The following TBC1D1 variants were observed in gnomAD, a reference collection of about 807,000 sequenced individuals.
The protein encoded by TBC1D1 is TBC1 domain family member 1.
In TBC1D1, 89 loss-of-function variants were observed where a neutral mutation model predicts 125.6. That is an observed-to-expected ratio of 0.71 (90% CI 0.60 to 0.85). TBC1D1 has a LOEUF of 0.85. TBC1D1 is among the 40% of genes least tolerant of loss of function. The pLI, the probability that TBC1D1 is intolerant of heterozygous loss-of-function variation, is 0.00. For missense variants in TBC1D1, 1,377 were observed against 1,469.2 expected (o/e 0.94, Z 1.03); for synonymous variants, 565 against 564.1 (o/e 1.00, Z -0.02).
intron 2 of TBC1D1, among the ~76,000 whole-genome samples, chr4:37,993,219 C>T: frequency 6.6e-6 from 1 of 151,088 alleles, no homozygotes; most frequent in East Asian, 1.9e-4. Context: ...AGATGCCATC[C>T]TGAGAGAGAG....
At chr4:38,119,316 C>A (rs1262531054) in intron 17 of TBC1D1, among the ~76,000 whole-genome samples, 1 of 151,956 alleles carries the variant, frequency 6.6e-6, no homozygotes, top group Non-Finnish European at 1.5e-5. Context: ...TTTCCTTTCC[C>A]CCCAAATACT....
intron 14 of TBC1D1, among the ~76,000 whole-genome samples, chr4:38,100,595 G>A (rs1252513808): frequency 6.6e-6 from 1 of 152,092 alleles, no homozygotes; most frequent in East Asian, 1.9e-4. Context: ...CTCTTTTGAG[G>A]GGACACCATT....
intron 12 of TBC1D1, among the ~76,000 whole-genome samples, chr4:38,082,746 G>A (rs1305185284): frequency 8.5e-5 from 13 of 152,294 alleles, no homozygotes; most frequent in African/African-American, 3.1e-4. Context: ...GCCCACCCAG[G>A]CCTGTTCTCT....
intron 11 of TBC1D1, among the ~76,000 whole-genome samples, chr4:38,052,720 G>GCA (rs1560698490): frequency 3.5e-5 from 2 of 57,560 alleles, no homozygotes; most frequent in East Asian, 7.9e-4. Flanking sequence ...ACACGCGCGC[G>GCA]CGCGCGCGCA....
At chr4:38,054,063 T>C in intron 11 of TBC1D1, 136 bp from the exon 14 acceptor site, 1 of 960,428 alleles carries the variant, frequency 1.0e-6, no homozygotes, top group Non-Finnish European at 1.6e-6. Context: ...GTGAGCTTGA[T>C]ATAACTTCTG....
At chr4:38,026,817 C>G (rs953097556) in intron 6 of TBC1D1, among the ~76,000 whole-genome samples, 5 of 152,132 alleles carry the variant, frequency 3.3e-5, no homozygotes, top group African/African-American at 1.2e-4. Context: ...TATGTAATGA[C>G]TTTATTTTTA....
chr4:38,107,363 TTC>T (rs1761493572), intron 15 of TBC1D1, among the ~76,000 whole-genome samples: 1 of 152,306 alleles, frequency 6.6e-6, no homozygotes, highest in African/African-American at 2.4e-5. Flanking sequence ...AGTCTACACT[TTC>T]TGTTTAGTCT....
At chr4:37,923,181 C>G (rs967495403) in intron 2 of TBC1D1, among the ~76,000 whole-genome samples, 2 of 152,052 alleles carry the variant, frequency 1.3e-5, no homozygotes, top group African/African-American at 4.8e-5. Flanking sequence ...TGTTCAACTC[C>G]CACTTATGAG....
At chr4:37,966,304 TC>T (rs961633019) in intron 2 of TBC1D1, among the ~76,000 whole-genome samples, 3 of 152,168 alleles carry the variant, frequency 2.0e-5, no homozygotes, top group Admixed American at 2.0e-4. Context: ...TTTAGATGAC[TC>T]CTGACCCTCA....
intron 12 of TBC1D1, among the ~76,000 whole-genome samples, chr4:38,055,206 G>T (rs373340499): frequency 4.6e-5 from 7 of 152,252 alleles, no homozygotes; most frequent in African/African-American, 1.7e-4. Flanking sequence ...AACACCTGAT[G>T]GTCGCCTGAC....
intron 2 of TBC1D1, among the ~76,000 whole-genome samples, chr4:37,932,488 C>T (rs1257766856): frequency 6.6e-6 from 1 of 152,134 alleles, no homozygotes; most frequent in Non-Finnish European, 1.5e-5. Flanking sequence ...CATTCTAATA[C>T]CCCTTATGAA....
At chr4:38,056,127 CTCTGATTCCTGGCT>C (rs1387991546) in intron 12 of TBC1D1, among the ~76,000 whole-genome samples, 1 of 152,202 alleles carries the variant, frequency 6.6e-6, no homozygotes, top group East Asian at 1.9e-4. Flanking sequence ...CCTCCCTGTC[CTCTGATTCCTGGCT>C]TCTTCTCTGG....
rs988647615 is a variant in TBC1D1 at position 37,951,900 on chromosome 4, A to G, written c.417+49388A>G. 8.6e-6 allele frequency: 6 copies of G among 701,742 alleles called. No individual in the cohort carries two copies. The African/African-American group carries it at 1.1e-4, about 12-fold the overall frequency. 43.5% of individuals were successfully genotyped at this position (701,742 alleles called of 1,614,324 possible). A position where few individuals can be genotyped will look rare whatever the true frequency, so the allele number is the denominator to read the frequency against. On this transcript the variant is annotated intron_variant, in intron 2 of 19. Transcript: ENST00000261439. ...ACAATACTGACATGGAGTTCAGGTG[A>G]TAATGGGTATGTACTTTTACCATGT...
At position 38,103,106 on chromosome 4, in the gene TBC1D1, G is replaced by T. The variant is rs752093851; in HGVS notation, c.2506G>T (p.Glu836Ter). 3.1e-6 allele frequency: 5 copies of T among 1,613,892 alleles called. No individual in the cohort carries two copies. The highest frequency in any genetic ancestry group is 4.2e-6 in the Non-Finnish European group (5 of 1,180,002). ...GCAGCCAAAGGATGTGCCATACAAA[G>T]AACTCTTAAAGCAGCTGACTTCCCA... is the stretch of plus-strand genomic sequence containing the variant. The change falls in exon 15 of 20, where the codon GAA (glutamate) becomes TAA (stop). Residue 836 changes from glutamate to a stop codon, truncating the protein, a stop_gained. Coordinates refer to ENST00000261439, the MANE Select transcript of TBC1D1 (RefSeq NM_015173.4). LOFTEE classifies it high-confidence loss of function.
intron 2 of TBC1D1, among the ~76,000 whole-genome samples, chr4:37,920,972 T>G (rs1720824492): frequency 6.6e-6 from 1 of 151,634 alleles, no homozygotes; most frequent in Non-Finnish European, 1.5e-5. Context: ...TAGCCAGGCA[T>G]GGTGGCGGGT....
intron 2 of TBC1D1, among the ~76,000 whole-genome samples, chr4:37,988,568 A>G (rs1196169121): frequency 1.3e-5 from 2 of 152,244 alleles, no homozygotes; most frequent in Non-Finnish European, 2.9e-5. Flanking sequence ...AACCATCATC[A>G]TCATTGAATT....
intron 2 of TBC1D1, among the ~76,000 whole-genome samples, chr4:37,924,014 G>T (rs1382747114): frequency 6.6e-6 from 1 of 152,102 alleles, no homozygotes; most frequent in Non-Finnish European, 1.5e-5. Context: ...TGGCTCCTGT[G>T]TCTTGCTGGG....
At chr4:38,000,340 C>A (rs569295133) in intron 2 of TBC1D1, among the ~76,000 whole-genome samples, 1 of 152,262 alleles carries the variant, frequency 6.6e-6, no homozygotes, top group Non-Finnish European at 1.5e-5. Flanking sequence ...ATGTAGTCAG[C>A]AAACCCAGTA....
chr4:38,016,415 G>GT (rs1461418404), intron 3 of TBC1D1, among the ~76,000 whole-genome samples: 3 of 152,206 alleles, frequency 2.0e-5, no homozygotes, highest in African/African-American at 7.2e-5. Context: ...CTTCCCTCGA[G>GT]TTGTCACGGT....
Sources: gnomAD v4.1 joint callset for allele counts (sites outside exome capture counted in the v4.1 genomes callset) on GRCh38, gnomAD v4.1.1 for gene constraint, MANE v1.5 for transcripts, NCBI Gene and HGNC (gene_info 2026-07-23, HGNC 2026-07-21) for gene names.